PAK5: variants seen among roughly 807,000 people sequenced by gnomAD.
PAK5 encodes the protein p21 (RAC1) activated kinase 5, also known as serine/threonine-protein kinase PAK 5.
PAK5 carries 16 observed loss-of-function variants against 65.9 expected under a neutral mutation model. The ratio of observed to expected loss-of-function variants is 0.24; its 90% CI spans 0.16 to 0.37. PAK5 has a LOEUF of 0.37. PAK5 is among the 10% of genes least tolerant of loss of function. The pLI is 1.00. For synonymous variants in PAK5, 371 were observed against 354.9 expected, an observed-to-expected ratio of 1.05 and a Z score of -0.51; for missense variants, 785 against 903.9, an observed-to-expected ratio of 0.87 and a Z score of 1.69.
At chr20:9,783,940 T>C (rs375934809) in intron 1 of PAK5, among the ~76,000 whole-genome samples, 22 of 152,208 alleles carry the variant, frequency 1.4e-4, no homozygotes, top group Admixed American at 9.2e-4. Context: ...ATTCAATACA[T>C]TAATCAAATT....
intron 4 of PAK5, 146 bp from the exon 5 acceptor site, chr20:9,566,530 C>T: frequency 1.3e-6 from 1 of 751,316 alleles, no homozygotes; most frequent in Non-Finnish European, 2.2e-6. Context: ...ACAGGACCGG[C>T]CACACCTAGG....
In PAK5 at chr20:9,580,371, C is replaced by G; in HGVS notation, c.764G>C (p.Ser255Thr). 6.2e-7 allele frequency: 1 copy of G among 1,614,152 alleles called. No homozygotes were observed. The highest frequency in any genetic ancestry group is 8.5e-7 in the Non-Finnish European group (1 of 1,180,028). ...CSKESLAYSE[S>T]EWGPSLDDYD... is the part of the protein sequence containing the mutation. Reference sequence around the variant, plus strand: ...GTCATCCAGGCTGGGTCCCCATTCACTTTCACTGTACGCCAGGCTCTCCTT... The same window carrying G: ...GTCATCCAGGCTGGGTCCCCATTCAGTTTCACTGTACGCCAGGCTCTCCTT... Residue 255 changes from serine to threonine, a missense_variant, in exon 4 of 10, where the codon AGT (serine) becomes ACT (threonine). This residue lies in a region of PAK5 where 422 missense variants were observed against 413.3 expected (regional missense o/e 1.02). Coordinates refer to ENST00000353224, the MANE Select transcript of PAK5 (RefSeq NM_177990.4).
intron 2 of PAK5, among the ~76,000 whole-genome samples, chr20:9,666,071 T>C (rs2047413181): frequency 1.3e-5 from 2 of 152,068 alleles, no homozygotes; most frequent in Admixed American, 1.3e-4. Context: ...GCCAGGAAAG[T>C]GCTTTCTGTT....
intron 2 of PAK5, among the ~76,000 whole-genome samples, chr20:9,696,129 C>T (rs1339556191): frequency 1.3e-5 from 2 of 152,204 alleles, no homozygotes; most frequent in East Asian, 3.9e-4. Context: ...TAGACAGTTA[C>T]ATGAATACAA....
intron 1 of PAK5, among the ~76,000 whole-genome samples, chr20:9,730,816 C>T (rs575996719): frequency 3.2e-4 from 48 of 152,122 alleles, no homozygotes; most frequent in Non-Finnish European, 6.2e-4. Flanking sequence ...CTGTGCTAAC[C>T]CTTGATCTAT....
intron 1 of PAK5, among the ~76,000 whole-genome samples, chr20:9,787,688 A>C (rs1247244937): frequency 6.7e-6 from 1 of 149,284 alleles, no homozygotes; most frequent in Non-Finnish European, 1.5e-5. Flanking sequence ...TGTGCTGGTA[A>C]ATGTTTAACT....
intron 1 of PAK5, among the ~76,000 whole-genome samples, chr20:9,765,772 G>A (rs1449004542): frequency 6.6e-6 from 1 of 152,152 alleles, no homozygotes; most frequent in Admixed American, 6.5e-5. Flanking sequence ...GGAAGGGCAT[G>A]TGACCTAATG....
intron 2 of PAK5, among the ~76,000 whole-genome samples, chr20:9,679,843 T>C (rs747011198): frequency 2.0e-5 from 3 of 152,244 alleles, no homozygotes; most frequent in Non-Finnish European, 4.4e-5. Context: ...AAAATTGTGA[T>C]GGACAAAAGC....
chr20:9,795,251 C>T (rs1431823242), intron 1 of PAK5, among the ~76,000 whole-genome samples: 1 of 152,010 alleles, frequency 6.6e-6, no homozygotes, highest in Non-Finnish European at 1.5e-5. Context: ...GCTATATGTG[C>T]TACACATATT....
intron 1 of PAK5, among the ~76,000 whole-genome samples, chr20:9,787,190 T>C (rs1006315238): frequency 1.3e-5 from 2 of 152,126 alleles, no homozygotes; most frequent in Non-Finnish European, 2.9e-5. Context: ...AAATAAAGCA[T>C]AGAGGGGTCA....
At chr20:9,743,927 G>T (rs2048478411) in intron 1 of PAK5, among the ~76,000 whole-genome samples, 1 of 152,120 alleles carries the variant, frequency 6.6e-6, no homozygotes, top group African/African-American at 2.4e-5. Context: ...TTATCCAGGT[G>T]TACCCTAAAT....
chr20:9,671,790 G>A (rs1393766318), intron 2 of PAK5, among the ~76,000 whole-genome samples: 1 of 151,838 alleles, frequency 6.6e-6, no homozygotes, highest in Non-Finnish European at 1.5e-5. Flanking sequence ...TGATTGCCCT[G>A]GCCAGAACTT....
At chr20:9,766,765 G>A (rs6087012) in intron 1 of PAK5, among the ~76,000 whole-genome samples, 7 of 151,898 alleles carry the variant, frequency 4.6e-5, no homozygotes, top group African/African-American at 9.7e-5. Flanking sequence ...ATTTGGAGAA[G>A]GTAGTGATTG....
chr20:9,598,357 C>T (rs112878645), intron 3 of PAK5, among the ~76,000 whole-genome samples: 8,707 of 152,246 alleles, frequency 0.057, 394 homozygotes, highest in African/African-American at 0.13. Flanking sequence ...TCCAGTCTAT[C>T]ATTGATGGGT....
rs113851636 is a variant in PAK5 at position 9,782,410 on chromosome 20, A to G, written c.-162+56352T>C. 2.5e-3 allele frequency among the ~76,000 whole-genome samples: 375 copies of G among 152,318 alleles called. 2 individuals are homozygous for G. The highest frequency in any genetic ancestry group is 8.4e-3 in the African/African-American group (349 of 41,576). ...AAAAATAATACTCTTCACTGGATCCAATAAGCCATCAACTGTGAGTCATGC... is the reference window on the plus strand; with the variant it reads ...AAAAATAATACTCTTCACTGGATCCGATAAGCCATCAACTGTGAGTCATGC... On this transcript the variant is annotated intron_variant, in intron 1 of 9. Transcript: ENST00000353224.
intron 1 of PAK5, among the ~76,000 whole-genome samples, chr20:9,815,213 C>T (rs967565383): frequency 1.3e-5 from 2 of 152,202 alleles, no homozygotes; most frequent in Admixed American, 6.6e-5. Flanking sequence ...CCACCTCCAA[C>T]ACTGAGGATC....
intron 5 of PAK5, among the ~76,000 whole-genome samples, chr20:9,563,840 G>A (rs181175392): frequency 2.0e-5 from 3 of 152,290 alleles, no homozygotes; most frequent in African/African-American, 4.8e-5. Context: ...GATTTGGAGC[G>A]TGTGTAAGAA....
At chr20:9,780,891 A>G (rs924859941) in intron 1 of PAK5, among the ~76,000 whole-genome samples, 1 of 152,128 alleles carries the variant, frequency 6.6e-6, no homozygotes, top group African/African-American at 2.4e-5. Context: ...ATATATCATC[A>G]AAACTCTAAT....
intron 1 of PAK5, among the ~76,000 whole-genome samples, chr20:9,721,651 CTCAA>C (rs2048215581): frequency 1.6e-5 from 1 of 64,336 alleles, no homozygotes; most frequent in African/African-American, 6.6e-5. Context: ...GAGACTCCAT[CTCAA>C]AAAAAAAAAA....
Sources: allele counts gnomAD v4.1 joint callset (sites outside exome capture counted in the v4.1 genomes callset), GRCh38; gene constraint gnomAD v4.1.1; regional missense constraint gnomAD v4.1.1; transcripts MANE v1.5; gene names NCBI Gene and HGNC (gene_info 2026-07-23, HGNC 2026-07-21).